The following COP1 variants were observed in gnomAD, a reference collection of about 807,000 sequenced individuals.
COP1 encodes COP1 E3 ubiquitin ligase.
Under a neutral mutation model 101.3 loss-of-function variants are expected in COP1, and 24 were observed. The observed-to-expected ratio is 0.24, with a 90% CI of 0.17 to 0.33. The LOEUF (loss-of-function observed/expected upper bound fraction) is 0.33. Ranked by LOEUF, COP1 falls within the 10% of genes least tolerant of loss-of-function variation. COP1 has a pLI of 1.00. For missense variants in COP1, 663 were observed against 906.2 expected (o/e 0.73, Z 3.45); for synonymous variants, 347 against 341.9 (o/e 1.01, Z -0.17).
At chr1:176,109,640 T>C (rs964003376) in intron 9 of COP1, among the ~76,000 whole-genome samples, 3 of 152,194 alleles carry the variant, frequency 2.0e-5, no homozygotes, top group African/African-American at 7.2e-5. Flanking sequence ...CTAATTAAAT[T>C]AGTAATTATG....
intron 3 of COP1, among the ~76,000 whole-genome samples, chr1:176,168,930 C>T (rs1390117241): frequency 1.3e-5 from 2 of 152,080 alleles, no homozygotes; most frequent in African/African-American, 4.8e-5. Context: ...GACCAAGAAA[C>T]CAAATCCATC....
intron 1 of COP1, among the ~76,000 whole-genome samples, chr1:176,205,494 T>C (rs1243978512): frequency 2.0e-5 from 3 of 152,228 alleles, no homozygotes; most frequent in African/African-American, 7.2e-5. Flanking sequence ...TCAACCCTGA[T>C]CTGAATCAAC....
rs557719499 is a variant in COP1, at chr1:176,002,836, T to C, written c.1730-13357A>G. ...AAACATACGTGTGCATGTGTCTTTA[T>C]AGCAGCATGATTTATAGTCCTTTGG... On this transcript the variant is annotated intron_variant, in intron 15 of 19. Coordinates refer to ENST00000367669, the MANE Select transcript of COP1 (RefSeq NM_022457.7). Among the ~76,000 whole-genome samples, 18 of 151,452 alleles carry C rather than the reference T, an allele frequency of 1.2e-4. No individual in the cohort carries two copies. The South Asian group carries it at 3.8e-3, about 32-fold the overall frequency.
intron 15 of COP1, among the ~76,000 whole-genome samples, chr1:175,990,676 G>A (rs1003862967): frequency 2.0e-5 from 3 of 152,050 alleles, no homozygotes; most frequent in Admixed American, 2.0e-4. Flanking sequence ...GAGGTGTGTT[G>A]ATAATTGATG....
chr1:176,165,329 A>C (rs1434193950), intron 3 of COP1, among the ~76,000 whole-genome samples: 1 of 151,476 alleles, frequency 6.6e-6, no homozygotes, highest in African/African-American at 2.4e-5. Flanking sequence ...AGTGAAGAAA[A>C]ATTCAGGTGA....
chr1:176,031,381 A>C (rs1442652140), intron 14 of COP1, among the ~76,000 whole-genome samples: 2 of 152,216 alleles, frequency 1.3e-5, no homozygotes, highest in Admixed American at 6.5e-5. Context: ...GATCCTCAAA[A>C]TAAGGAGACA....
chr1:176,099,059 T>C (rs1276168470), intron 9 of COP1, among the ~76,000 whole-genome samples: 1 of 152,244 alleles, frequency 6.6e-6, no homozygotes, highest in South Asian at 2.1e-4. Flanking sequence ...AAGGTTGTTA[T>C]GTTAAGTTAT....
chr1:175,946,767 G>A (rs990169832), intron 19 of COP1, among the ~76,000 whole-genome samples: 1 of 152,176 alleles, frequency 6.6e-6, no homozygotes, highest in Non-Finnish European at 1.5e-5. Flanking sequence ...AGAGAACCAT[G>A]AGGAAGAGAA....
At chr1:176,160,255 C>CTTTTTTTT (rs67600151) in intron 5 of COP1, 11 of 238,868 alleles carry the variant, frequency 4.6e-5, no homozygotes, top group Admixed American at 6.7e-5. Context: ...CCACACACAT[C>CTTTTTTTT]TTTTTTTTTT....
At chr1:176,143,146 A>AGCGAG (rs1553286862) in intron 6 of COP1, among the ~76,000 whole-genome samples, 1 of 66,570 alleles carries the variant, frequency 1.5e-5, no homozygotes, top group African/African-American at 4.7e-5. Context: ...GAGCGAGAGA[A>AGCGAG]AGAGAGAGAG....
chr1:176,101,490 C>T (rs2149506668), intron 9 of COP1, among the ~76,000 whole-genome samples: 1 of 152,274 alleles, frequency 6.6e-6, no homozygotes, highest in South Asian at 2.1e-4. Flanking sequence ...ATGGGACACT[C>T]CCCTTGGATG....
chr1:175,948,486 T>G (rs941255525), intron 18 of COP1, among the ~76,000 whole-genome samples: 1 of 152,238 alleles, frequency 6.6e-6, no homozygotes, highest in Admixed American at 6.5e-5. Flanking sequence ...TCAGGCTTCA[T>G]GACAAAGCAA....
intron 18 of COP1, among the ~76,000 whole-genome samples, chr1:175,962,770 G>C (rs1313102933): frequency 1.3e-5 from 2 of 151,940 alleles, no homozygotes; most frequent in Non-Finnish European, 2.9e-5. Context: ...CCCCCTCCCT[G>C]GGCACCTAGA....
intron 14 of COP1, among the ~76,000 whole-genome samples, chr1:176,028,777 T>C (rs921893215): frequency 1.4e-5 from 2 of 146,242 alleles, no homozygotes; most frequent in Non-Finnish European, 3.0e-5. Flanking sequence ...TTGAGACAGG[T>C]TCTCCTCACT....
At chr1:176,001,776 G>A (rs1429430538) in intron 15 of COP1, among the ~76,000 whole-genome samples, 1 of 151,910 alleles carries the variant, frequency 6.6e-6, no homozygotes, top group African/African-American at 2.4e-5. Context: ...ATTTCTTATG[G>A]GGTAGGTCTC....
At chr1:176,014,065 C>T (rs186557760) in intron 15 of COP1, among the ~76,000 whole-genome samples, 2 of 152,130 alleles carry the variant, frequency 1.3e-5, no homozygotes, top group Admixed American at 6.6e-5. Flanking sequence ...TGTATTTTAT[C>T]TTCATGTTTT....
At chr1:176,130,220 A>G (rs575103480) in intron 8 of COP1, among the ~76,000 whole-genome samples, 14 of 151,854 alleles carry the variant, frequency 9.2e-5, no homozygotes, top group African/African-American at 3.4e-4. Context: ...AGTCTGAGCT[A>G]AAAAGTTAAA....
intron 2 of COP1, among the ~76,000 whole-genome samples, chr1:176,183,173 T>C (rs1259751271): frequency 6.6e-6 from 1 of 152,206 alleles, no homozygotes; most frequent in East Asian, 1.9e-4. Flanking sequence ...TAAAGCATCA[T>C]GCTCCAGATG....
At chr1:176,120,358 T>A (rs1686912373) in intron 8 of COP1, among the ~76,000 whole-genome samples, 1 of 149,792 alleles carries the variant, frequency 6.7e-6, no homozygotes, top group African/African-American at 2.5e-5. Flanking sequence ...AGGCGGAGGT[T>A]GCAGTGAGCC....
Sources: allele counts gnomAD v4.1 joint callset (sites outside exome capture counted in the v4.1 genomes callset), GRCh38; gene constraint gnomAD v4.1.1; transcripts MANE v1.5; gene names NCBI Gene and HGNC (gene_info 2026-07-23, HGNC 2026-07-21).